The following NCK1 variants were observed in gnomAD, a reference collection of about 807,000 sequenced individuals.
The protein encoded by NCK1 is SH2/SH3 adapter protein NCK1.
Under a neutral mutation model 36.6 loss-of-function variants are expected in NCK1, and 19 were observed. That is an observed-to-expected ratio of 0.52 (90% confidence interval 0.36 to 0.76). The LOEUF is 0.76. NCK1 is among the 30% of genes least tolerant of loss of function. The pLI, the probability that NCK1 is intolerant of heterozygous loss-of-function variation, is 0.00. For missense variants in NCK1, 358 were observed against 445.6 expected (o/e 0.80, Z 1.77); for synonymous variants, 165 against 156.0 (o/e 1.06, Z -0.43).
intron 1 of NCK1, among the ~76,000 whole-genome samples, chr3:136,911,292 T>C (rs1033750842): frequency 3.9e-5 from 6 of 152,240 alleles, no homozygotes; most frequent in African/African-American, 1.4e-4. Context: ...CTGGATCATA[T>C]GGTAGCTCTA....
At chr3:136,873,216 C>T (rs1938677154) in intron 1 of NCK1, among the ~76,000 whole-genome samples, 1 of 152,166 alleles carries the variant, frequency 6.6e-6, no homozygotes, top group Admixed American at 6.5e-5. Flanking sequence ...CAGAGGTGCC[C>T]AAGACCATGG....
At chr3:136,898,595 A>C (rs1939452924) in intron 1 of NCK1, among the ~76,000 whole-genome samples, 1 of 152,218 alleles carries the variant, frequency 6.6e-6, no homozygotes, top group South Asian at 2.1e-4. Flanking sequence ...CTTACTATGA[A>C]AAAATTTGGC....
At chr3:136,944,155 T>C (rs1216709986) in intron 2 of NCK1, among the ~76,000 whole-genome samples, 1 of 132,410 alleles carries the variant, frequency 7.6e-6, no homozygotes, top group Non-Finnish European at 1.6e-5. Flanking sequence ...AGTCTTGCCC[T>C]GTCGCCAGGC....
At chr3:136,920,108 C>A (rs1386024856) in intron 1 of NCK1, among the ~76,000 whole-genome samples, 2 of 152,102 alleles carry the variant, frequency 1.3e-5, no homozygotes, top group African/African-American at 4.8e-5. Flanking sequence ...CTTTTTAAAC[C>A]CTAGTATCTC....
At chr3:136,864,306 C>T (rs540330389) in intron 1 of NCK1, among the ~76,000 whole-genome samples, 1 of 149,788 alleles carries the variant, frequency 6.7e-6, no homozygotes, top group African/African-American at 2.5e-5. Context: ...GCCTGGCCAA[C>T]ACGGTGAAAC....
At chr3:136,873,088 C>A (rs1237608087) in intron 1 of NCK1, among the ~76,000 whole-genome samples, 1 of 152,154 alleles carries the variant, frequency 6.6e-6, no homozygotes, top group Admixed American at 6.5e-5. Context: ...ATCCTCCAGC[C>A]TCCAGAATGA....
At position 136,948,604 on chromosome 3, in the gene NCK1, C is replaced by G. The variant is rs1167382909; in HGVS notation, c.*151C>G. The G allele has an allele frequency of 1.5e-6, 1 of 652,140 alleles. No homozygotes were observed. Among genetic ancestry groups the G allele is most frequent in the East Asian group, 2.8e-5 (1 of 35,976 alleles). The allele number at this position is 652,140 out of a possible 1,614,324, so 40.4% of individuals were successfully genotyped here. A position where few individuals can be genotyped will look rare whatever the true frequency, so the allele number is the denominator to read the frequency against. On this transcript the variant is annotated 3_prime_UTR_variant, in exon 4 of 4. Transcript: ENST00000481752. ...ATAAGTATTTTTATTATAACTCAGC[C>G]CATACATATATACTATGTATGCAGT...
chr3:136,892,078 G>C (rs1393562563), intron 1 of NCK1, among the ~76,000 whole-genome samples: 1 of 151,612 alleles, frequency 6.6e-6, no homozygotes, highest in East Asian at 1.9e-4. Context: ...GTAGAGATGG[G>C]GATCTCACTA....
Position 136,862,312 on chromosome 3 carries a change from C to T in NCK1, c.-60C>T, listed in dbSNP as rs1403584290. 6.5e-6 allele frequency: 1 copy of T among 152,910 alleles called. No individual in the cohort carries two copies. Among genetic ancestry groups the T allele is most frequent in the Non-Finnish European group, 1.5e-5 (1 of 68,390 alleles). The allele number at this position is 152,910 out of a possible 1,614,324, so 9.5% of individuals were successfully genotyped here. ...GCGGCCGCAGTGGCGTCCTGGAGCCCTCCTCAGGTGAGCTGGAGCTGCCCG... is the reference window on the plus strand; with the variant it reads ...GCGGCCGCAGTGGCGTCCTGGAGCCTTCCTCAGGTGAGCTGGAGCTGCCCG... On this transcript the variant is annotated 5_prime_UTR_variant, in exon 1 of 4. Coordinates refer to ENST00000481752, the MANE Select transcript of NCK1 (RefSeq NM_001291999.2).
chr3:136,934,086 T>G (rs1425231024), intron 2 of NCK1, among the ~76,000 whole-genome samples: 1 of 152,204 alleles, frequency 6.6e-6, no homozygotes, highest in Non-Finnish European at 1.5e-5. Flanking sequence ...ATGGAGTTCC[T>G]GCTATGTACT....
chr3:136,922,166 A>G (rs1436192937), intron 1 of NCK1, among the ~76,000 whole-genome samples: 2 of 152,232 alleles, frequency 1.3e-5, no homozygotes, highest in African/African-American at 2.4e-5. Context: ...GAAGAGAAAC[A>G]AACTTATTAT....
intron 1 of NCK1, among the ~76,000 whole-genome samples, chr3:136,916,778 A>G (rs552411559): frequency 1.3e-5 from 2 of 152,306 alleles, no homozygotes; most frequent in East Asian, 3.9e-4. Context: ...TTGAAATTGT[A>G]ATTTTGATAC....
At chr3:136,915,161 C>T (rs1939926414) in intron 1 of NCK1, among the ~76,000 whole-genome samples, 1 of 152,150 alleles carries the variant, frequency 6.6e-6, no homozygotes, top group Non-Finnish European at 1.5e-5. Flanking sequence ...CACAGACAGA[C>T]TAATACGTAC....
chr3:136,897,501 C>G (rs550332605), intron 1 of NCK1, among the ~76,000 whole-genome samples: 1 of 152,036 alleles, frequency 6.6e-6, no homozygotes, highest in Non-Finnish European at 1.5e-5. Flanking sequence ...TTTTCATATA[C>G]TTGTTTGCCA....
chr3:136,899,883 G>C, intron 1 of NCK1: 1 of 1,161,306 alleles, frequency 8.6e-7, no homozygotes, highest in East Asian at 2.3e-5. Context: ...TTTTTTAGGG[G>C]TTTTCTCTTC....
intron 1 of NCK1, among the ~76,000 whole-genome samples, chr3:136,876,677 A>C (rs1938782354): frequency 6.6e-6 from 1 of 152,242 alleles, no homozygotes; most frequent in East Asian, 1.9e-4. Flanking sequence ...CAAAGAATAT[A>C]CGTATTTTTT....
intron 1 of NCK1, among the ~76,000 whole-genome samples, chr3:136,893,507 C>T (rs538193312): frequency 1.6e-4 from 25 of 152,074 alleles, no homozygotes; most frequent in African/African-American, 6.0e-4. Context: ...TTTTTTCTTG[C>T]TGATCTGAGT....
At chr3:136,884,768 T>C (rs1163984001) in intron 1 of NCK1, among the ~76,000 whole-genome samples, 8 of 151,614 alleles carry the variant, frequency 5.3e-5, no homozygotes, top group Admixed American at 1.3e-4. Flanking sequence ...TTGCCCAGGT[T>C]GGAGTGCAGT....
chr3:136,944,112 C>CATTTTTTTTTTTT (rs1940747308), intron 2 of NCK1, among the ~76,000 whole-genome samples: 1 of 43,788 alleles, frequency 2.3e-5, no homozygotes. Flanking sequence ...GAAAAACAAC[C>CATTTTTTTTTTTT]TTTTTTTTTT....
Sources: gnomAD v4.1 joint callset for allele counts (sites outside exome capture counted in the v4.1 genomes callset) on GRCh38, gnomAD v4.1.1 for gene constraint, MANE v1.5 for transcripts, NCBI Gene and HGNC (gene_info 2026-07-23, HGNC 2026-07-21) for gene names.